COLGALT2: variants seen among roughly 807,000 people sequenced by gnomAD.
COLGALT2 encodes the protein collagen beta(1-O)galactosyltransferase 2.
A neutral mutation model predicts 73.4 loss-of-function variants in COLGALT2; 49 were observed. That is an observed-to-expected ratio of 0.67 (90% confidence interval 0.53 to 0.85). COLGALT2 has a LOEUF of 0.85. COLGALT2 is among the 40% of genes least tolerant of loss of function. The pLI, the probability that COLGALT2 is intolerant of heterozygous loss-of-function variation, is 0.00. For synonymous variants in COLGALT2, 295 were observed against 307.6 expected, an observed-to-expected ratio of 0.96 and a Z score of 0.43; for missense variants, 722 against 790.2, an observed-to-expected ratio of 0.91 and a Z score of 1.03.
intron 1 of COLGALT2, among the ~76,000 whole-genome samples, chr1:184,035,433 T>G (rs1649642787): frequency 6.6e-6 from 1 of 152,190 alleles, no homozygotes; most frequent in Admixed American, 6.5e-5. Flanking sequence ...CTTTTTAGGG[T>G]GGCCTTGGGT....
rs1374529143 is a variant in COLGALT2 at position 183,945,438 on chromosome 1, C to T, written c.1263G>A (p.Trp421Ter). 6.2e-7 allele frequency: 1 copy of T among 1,614,040 alleles called. No homozygotes were observed. Among genetic ancestry groups the T allele is most frequent in the Admixed American group, 1.7e-5 (1 of 60,018 alleles). The change falls in exon 9 of 12, where the codon TGG becomes TGA. Residue 421 changes from tryptophan to a stop codon, truncating the protein, a stop_gained. Coordinates refer to ENST00000361927, the MANE Select transcript of COLGALT2 (RefSeq NM_015101.4). LOFTEE classifies it high-confidence loss of function. ...IGCFLSHYSV[W>*]KEVIDRELEK... Reference sequence around the variant, plus strand: ...TGAATAAAGCATTATTTACCTCTTTCCAGACTGAGTAGTGGCTGAGAAAGC... The same window carrying T: ...TGAATAAAGCATTATTTACCTCTTTTCAGACTGAGTAGTGGCTGAGAAAGC...
chr1:183,964,610 T>C (rs1011384935), intron 5 of COLGALT2: 1 of 152,312 alleles, frequency 6.6e-6, no homozygotes, highest in Non-Finnish European at 1.5e-5. Flanking sequence ...AATCAGTTCA[T>C]ATAGAGACAA....
chr1:183,932,519 G>A (rs139226637), downstream of COLGALT2, among the ~76,000 whole-genome samples: 149 of 152,236 alleles, frequency 9.8e-4, 1 homozygote, highest in African/African-American at 3.4e-3. Context: ...AACTCTTAGA[G>A]GTGGGGCTTC....
downstream of COLGALT2, among the ~76,000 whole-genome samples, chr1:183,930,857 G>GAAATGTAAAGTACA (rs1669830881): frequency 6.6e-6 from 1 of 152,116 alleles, no homozygotes; most frequent in African/African-American, 2.4e-5. Context: ...AGAAACCTAG[G>GAAATGTAAAGTACA]AAATGTAAAG....
chr1:184,008,052 T>C (rs1214427242), intron 1 of COLGALT2, among the ~76,000 whole-genome samples: 1 of 152,192 alleles, frequency 6.6e-6, no homozygotes, highest in East Asian at 1.9e-4. Flanking sequence ...AATACTACTA[T>C]ACACTAGAGA....
intron 1 of COLGALT2, among the ~76,000 whole-genome samples, chr1:184,033,564 A>G (rs1245660455): frequency 6.6e-6 from 1 of 152,256 alleles, no homozygotes; most frequent in Non-Finnish European, 1.5e-5. Flanking sequence ...TCTCTAAAAT[A>G]TAAATTTTCC....
At chr1:184,031,314 A>G (rs1649503341) in intron 1 of COLGALT2, among the ~76,000 whole-genome samples, 1 of 152,350 alleles carries the variant, frequency 6.6e-6, no homozygotes, top group South Asian at 2.1e-4. Flanking sequence ...TGTAGCTATG[A>G]TCACAGCAAG....
chr1:183,983,840 A>G (rs1468487163), intron 1 of COLGALT2, among the ~76,000 whole-genome samples: 1 of 152,214 alleles, frequency 6.6e-6, no homozygotes, highest in East Asian at 1.9e-4. Context: ...ACCCAGAAAA[A>G]TCGCAGACAT....
Position 183,937,880 on chromosome 1 carries a change from A to C in COLGALT2, c.*881T>G. ...ACACCTGCGGTGGGTTCCCAGGCTA[A>C]GGGGTGGAGCGGAGAGCGTGAAGCT... On this transcript the variant is annotated 3_prime_UTR_variant, in exon 12 of 12. Coordinates refer to ENST00000361927, the MANE Select transcript of COLGALT2 (RefSeq NM_015101.4). The C allele has an allele frequency of 1.0e-6, 1 of 985,480 alleles. No individual in the cohort carries two copies. The highest frequency in any genetic ancestry group is 4.7e-5 in the South Asian group (1 of 21,288). The allele number at this position is 985,480 out of a possible 1,614,324, so 61.0% of individuals were successfully genotyped here. A position where few individuals can be genotyped will look rare whatever the true frequency, so the allele number is the denominator to read the frequency against.
chr1:183,962,196 G>T (rs985202208), intron 6 of COLGALT2, among the ~76,000 whole-genome samples: 3 of 109,000 alleles, frequency 2.8e-5, no homozygotes, highest in Non-Finnish European at 5.0e-5. Context: ...GTCTCACTCT[G>T]TCACTCAGGC....
chr1:184,006,443 G>A (rs1209304652), intron 1 of COLGALT2, among the ~76,000 whole-genome samples: 1 of 152,016 alleles, frequency 6.6e-6, no homozygotes, highest in East Asian at 1.9e-4. Flanking sequence ...AATTAGCTGG[G>A]CGTGGTGGTG....
At chr1:183,943,712 C>T (rs997178111) in intron 10 of COLGALT2, among the ~76,000 whole-genome samples, 1 of 152,152 alleles carries the variant, frequency 6.6e-6, no homozygotes, top group African/African-American at 2.4e-5. Context: ...GCCCCATTTC[C>T]CAACAGAGGA....
In COLGALT2 at chr1:183,964,121, C is replaced by T. The variant is rs1167856628; in HGVS notation, c.833-101G>A. ...GAACTGTGTCTGATGCTGAGTTTGA[C>T]ACTGCAATTAAATAAGTGGTTGTTT... On this transcript the variant is annotated intron_variant, in intron 5 of 11. Transcript: ENST00000361927. 3.1e-6 allele frequency: 4 copies of T among 1,301,160 alleles called. No homozygotes were observed. The African/African-American group carries it at 5.9e-5, about 19-fold the overall frequency. 80.6% of individuals were successfully genotyped at this position (1,301,160 alleles called of 1,614,324 possible).
chr1:183,980,816 T>A (rs1671329852), intron 1 of COLGALT2, among the ~76,000 whole-genome samples: 1 of 152,008 alleles, frequency 6.6e-6, no homozygotes, highest in Non-Finnish European at 1.5e-5. Flanking sequence ...AAATCTTAAA[T>A]GAAGTATTAG....
Position 183,967,830 on chromosome 1 carries a change from C to T in COLGALT2, c.832+1439G>A, listed in dbSNP as rs182017242. Among the ~76,000 whole-genome samples the T allele has an allele frequency of 7.9e-5, 12 of 152,336 alleles. No homozygotes were observed. In the East Asian group the frequency reaches 1.5e-3, roughly 20 times the overall value. Reference sequence around the variant, plus strand: ...AACTGAAAGAAGGAGTTTCCATTAACACTGACATAGGAATCTTTACAAAAA... The same window carrying T: ...AACTGAAAGAAGGAGTTTCCATTAATACTGACATAGGAATCTTTACAAAAA... On this transcript the variant is annotated intron_variant, in intron 5 of 11. Coordinates refer to ENST00000361927, the MANE Select transcript of COLGALT2 (RefSeq NM_015101.4).
At chr1:184,014,320 C>T (rs565955194) in intron 1 of COLGALT2, among the ~76,000 whole-genome samples, 5 of 152,176 alleles carry the variant, frequency 3.3e-5, no homozygotes, top group East Asian at 3.9e-4. Flanking sequence ...TGGATCTGAG[C>T]GAAGGCACTG....
intron 8 of COLGALT2, chr1:183,946,596 G>A (rs1670256065): frequency 6.6e-6 from 1 of 152,172 alleles, no homozygotes; most frequent in Non-Finnish European, 1.5e-5. Context: ...ACAAAAATAG[G>A]TTGAAAGTAA....
chr1:184,024,342 T>TTTTTTC (rs949197249), intron 1 of COLGALT2, among the ~76,000 whole-genome samples: 7 of 151,478 alleles, frequency 4.6e-5, no homozygotes, highest in African/African-American at 9.8e-5. Flanking sequence ...ACCTTTCAGC[T>TTTTTTC]TTTTTCTTTT....
chr1:184,030,848 CA>C, intron 1 of COLGALT2, among the ~76,000 whole-genome samples: 1 of 152,290 alleles, frequency 6.6e-6, no homozygotes, highest in Middle Eastern at 3.4e-3. Context: ...AACAGCTACA[CA>C]GGATTAAAAA....
Sources: gnomAD v4.1 joint callset for allele counts (sites outside exome capture counted in the v4.1 genomes callset) on GRCh38, gnomAD v4.1.1 for gene constraint, MANE v1.5 for transcripts, NCBI Gene and HGNC (gene_info 2026-07-23, HGNC 2026-07-21) for gene names.